The following STAU2 variants were observed in gnomAD, a reference collection of about 807,000 sequenced individuals.
STAU2 encodes the protein staufen double-stranded RNA binding protein 2.
In STAU2, 20 loss-of-function variants were observed where a neutral mutation model predicts 65.9. The observed-to-expected ratio is 0.30, with a 90% confidence interval of 0.21 to 0.44. STAU2 has a LOEUF of 0.44. Ranked by LOEUF, STAU2 falls within the 20% of genes least tolerant of loss-of-function variation. The probability of loss-of-function intolerance (pLI) is 1.00; values close to 1 mark genes in which losing one functional copy is unlikely to be tolerated. For synonymous variants in STAU2, 232 were observed against 233.9 expected (o/e 0.99, Z 0.07); for missense variants, 558 against 683.9 (o/e 0.82, Z 2.05).
intron 3 of STAU2, among the ~76,000 whole-genome samples, chr8:73,715,371 G>A (rs572437855): frequency 6.7e-6 from 1 of 150,234 alleles, no homozygotes; most frequent in Admixed American, 6.6e-5. Flanking sequence ...CACCAGAATC[G>A]CTTGAACCTG....
intron 4 of STAU2, among the ~76,000 whole-genome samples, chr8:73,698,502 C>T (rs976902386): frequency 6.6e-6 from 1 of 152,052 alleles, no homozygotes; most frequent in African/African-American, 2.4e-5. Flanking sequence ...CACAGCTATA[C>T]TCATATCAGA....
At chr8:73,649,869 T>TTATATATA (rs55814743) in intron 6 of STAU2, among the ~76,000 whole-genome samples, 2,740 of 70,744 alleles carry the variant, frequency 0.039, 92 homozygotes, top group East Asian at 0.085. Flanking sequence ...CTATATAATT[T>TTATATATA]TATATATATA....
At position 73,498,281 on chromosome 8, in the gene STAU2, A is replaced by G. The variant is rs74550386; in HGVS notation, c.1530+53731T>C. On this transcript the variant is annotated intron_variant, in intron 13 of 14. Transcript: ENST00000524300. ...ATAAAGGCAAAGGCAAAGAAACTCT[A>G]AACATAATATGGCCCATGCCCAGCA... Among the ~76,000 whole-genome samples, 52 of 151,988 alleles carry G rather than the reference A, an allele frequency of 3.4e-4. No homozygotes were observed. The East Asian group carries it at 0.01, about 29-fold the overall frequency.
intron 12 of STAU2, among the ~76,000 whole-genome samples, chr8:73,561,835 C>T (rs1027554855): frequency 2.6e-5 from 4 of 152,140 alleles, no homozygotes; most frequent in African/African-American, 4.8e-5. Flanking sequence ...GTTTAGTAAT[C>T]CTCACAATGA....
At chr8:73,732,260 A>G (rs1428050889) in intron 3 of STAU2, among the ~76,000 whole-genome samples, 2 of 152,238 alleles carry the variant, frequency 1.3e-5, no homozygotes, top group African/African-American at 2.4e-5. Flanking sequence ...GCAGCTAACT[A>G]TTCTCAGAGT....
intron 13 of STAU2, among the ~76,000 whole-genome samples, chr8:73,531,053 G>A (rs1805775260): frequency 6.6e-6 from 1 of 152,184 alleles, no homozygotes; most frequent in Admixed American, 6.5e-5. Context: ...ACCCTCCAGA[G>A]CAGTAAGCCC....
At chr8:73,740,448 C>T (rs1028809735) in intron 1 of STAU2, among the ~76,000 whole-genome samples, 1 of 152,060 alleles carries the variant, frequency 6.6e-6, no homozygotes, top group African/African-American at 2.4e-5. Flanking sequence ...TTCAAAGTGG[C>T]AAATTATAAA....
chr8:73,695,585 G>A (rs1308054451), intron 4 of STAU2, among the ~76,000 whole-genome samples: 1 of 152,276 alleles, frequency 6.6e-6, no homozygotes, highest in South Asian at 2.1e-4. Flanking sequence ...AGACAGAAAA[G>A]TAAAGGGAAC....
At chr8:73,502,928 T>C (rs1386425845) in intron 13 of STAU2, among the ~76,000 whole-genome samples, 1 of 152,146 alleles carries the variant, frequency 6.6e-6, no homozygotes, top group Admixed American at 6.6e-5. Context: ...TATGTTATCA[T>C]AATTTTGTAT....
At chr8:73,503,160 T>A (rs755097462) in intron 13 of STAU2, among the ~76,000 whole-genome samples, 1 of 152,106 alleles carries the variant, frequency 6.6e-6, no homozygotes, top group Non-Finnish European at 1.5e-5. Context: ...GAATGACAGG[T>A]GCCCTCATAG....
chr8:73,709,782 C>A (rs1586321992), intron 3 of STAU2, among the ~76,000 whole-genome samples: 1 of 151,838 alleles, frequency 6.6e-6, no homozygotes, highest in African/African-American at 2.4e-5. Flanking sequence ...CCATGTTTAA[C>A]TCTTATTAAA....
chr8:73,625,054 A>G (rs1483738570), intron 6 of STAU2, among the ~76,000 whole-genome samples: 1 of 152,162 alleles, frequency 6.6e-6, no homozygotes, highest in Non-Finnish European at 1.5e-5. Flanking sequence ...TAGGATGGCT[A>G]TAGTTTAAAA....
rs535687920 is a variant in STAU2, at chr8:73,552,697, C to T, written c.1223-378G>A. Among the ~76,000 whole-genome samples, 16 of 152,170 alleles carry T rather than the reference C, an allele frequency of 1.1e-4. No homozygotes were observed. The South Asian group carries it at 2.7e-3, about 26-fold the overall frequency. On this transcript the variant is annotated intron_variant, in intron 12 of 14. Coordinates refer to ENST00000524300, the MANE Select transcript of STAU2 (RefSeq NM_001164380.2). Reference sequence around the variant, plus strand: ...ATATCTCATAAAAGAGGCATGAAACCCCAACACATACAGCAATTGAGGCAC... The same window carrying T: ...ATATCTCATAAAAGAGGCATGAAACTCCAACACATACAGCAATTGAGGCAC...
At position 73,421,094 on chromosome 8, in the gene STAU2, CTTG is replaced by C; in HGVS notation, c.*275_*277del. 3.1e-6 allele frequency: 1 copy of C among 324,632 alleles called. No individual in the cohort carries two copies. The highest frequency in any genetic ancestry group is 5.6e-6 in the Non-Finnish European group (1 of 179,396). 20.1% of individuals were successfully genotyped at this position (324,632 alleles called of 1,614,324 possible). A position where few individuals can be genotyped will look rare whatever the true frequency, so the allele number is the denominator to read the frequency against. Reference sequence around the variant, plus strand: ...GCTTTGTTTCTAACACTTTTCTTTACTTGTTATTTTAAGCTCCAGTAGCAGGAT... The same window carrying C: ...GCTTTGTTTCTAACACTTTTCTTTACTTATTTTAAGCTCCAGTAGCAGGAT... On this transcript the variant is annotated 3_prime_UTR_variant, in exon 15 of 15. Coordinates refer to ENST00000524300, the MANE Select transcript of STAU2 (RefSeq NM_001164380.2).
Position 73,431,754 on chromosome 8 carries a change from C to CTG in STAU2, c.1531-9054_1531-9053dup, listed in dbSNP as rs745634012. On this transcript the variant is annotated intron_variant, in intron 13 of 14. Transcript: ENST00000524300. The stretch of plus-strand genomic sequence containing the variant: ...TTGGCCTTGGTTTGCGCACGCACGC[C>CTG]TGTGTGTGTGTGTGTGCTCACAGAA... Among the ~76,000 whole-genome samples the CTG allele has an allele frequency of 4.2e-4, 64 of 151,478 alleles. No homozygotes were observed. In the South Asian group the frequency reaches 8.8e-3, roughly 21 times the overall value.
chr8:73,621,882 C>T (rs1461596669), intron 6 of STAU2, among the ~76,000 whole-genome samples: 1 of 151,868 alleles, frequency 6.6e-6, no homozygotes, highest in Admixed American at 6.6e-5. Flanking sequence ...TGTGACTTGG[C>T]AATTGCTTCA....
chr8:73,609,326 T>C (rs1001382601), intron 9 of STAU2, among the ~76,000 whole-genome samples: 1 of 151,944 alleles, frequency 6.6e-6, no homozygotes, highest in Non-Finnish European at 1.5e-5. Context: ...GATAAAATAC[T>C]GGTTTCAACT....
chr8:73,697,854 T>G (rs1260126370), intron 4 of STAU2, among the ~76,000 whole-genome samples: 1 of 152,094 alleles, frequency 6.6e-6, no homozygotes, highest in Non-Finnish European at 1.5e-5. Flanking sequence ...CCAAGGCAGG[T>G]AGACTGCTTG....
At chr8:73,645,452 A>C (rs141267128) in intron 6 of STAU2, among the ~76,000 whole-genome samples, 1 of 152,296 alleles carries the variant, frequency 6.6e-6, no homozygotes, top group East Asian at 1.9e-4. Flanking sequence ...GTTGGATTTA[A>C]AATATTTACT....
Sources: gnomAD v4.1 joint callset for allele counts (sites outside exome capture counted in the v4.1 genomes callset) on GRCh38, gnomAD v4.1.1 for gene constraint, MANE v1.5 for transcripts, NCBI Gene and HGNC (gene_info 2026-07-23, HGNC 2026-07-21) for gene names.